Variants in ARHGEF10L observed in about 807,000 individuals in gnomAD.
The protein encoded by ARHGEF10L is Rho guanine nucleotide exchange factor 10 like.
ARHGEF10L carries 69 observed loss-of-function variants against 141.2 expected under a neutral mutation model. The observed-to-expected ratio is 0.49, with a 90% confidence interval of 0.40 to 0.60. ARHGEF10L has a LOEUF of 0.60. ARHGEF10L is among the 20% of genes least tolerant of loss of function. The pLI, the probability that ARHGEF10L is intolerant of heterozygous loss-of-function variation, is 0.00. For missense variants in ARHGEF10L, 1,482 were observed against 1,734.3 expected, an observed-to-expected ratio of 0.85 and a Z score of 2.58; for synonymous variants, 711 against 718.5, an observed-to-expected ratio of 0.99 and a Z score of 0.17.
At chr1:17,598,096 G>A (rs2080288970) in intron 4 of ARHGEF10L, among the ~76,000 whole-genome samples, 1 of 151,050 alleles carries the variant, frequency 6.6e-6, no homozygotes. Context: ...TTATAAACAA[G>A]AGAAACTTTT....
intron 26 of ARHGEF10L, among the ~76,000 whole-genome samples, chr1:17,685,439 C>T (rs1411734948): frequency 6.6e-6 from 1 of 152,174 alleles, no homozygotes; most frequent in East Asian, 1.9e-4. Flanking sequence ...GAATGCTCTT[C>T]CCCCTCCTCC....
chr1:17,545,880 A>G (rs2076897358), intron 1 of ARHGEF10L, among the ~76,000 whole-genome samples: 1 of 152,234 alleles, frequency 6.6e-6, no homozygotes, highest in African/African-American at 2.4e-5. Flanking sequence ...ACCTTTGCAC[A>G]TGCTGCTCCT....
intron 4 of ARHGEF10L, among the ~76,000 whole-genome samples, chr1:17,589,250 C>A (rs542621327): frequency 6.6e-6 from 1 of 152,278 alleles, no homozygotes; most frequent in East Asian, 1.9e-4. Flanking sequence ...CACAGTTCTT[C>A]TTTGTCTTCT....
the ARHGEF10L span, among the ~76,000 whole-genome samples, chr1:17,523,500 G>A: frequency 6.6e-6 from 1 of 152,184 alleles, no homozygotes; most frequent in Non-Finnish European, 1.5e-5. Context: ...TTTCACAGAT[G>A]AGGAAGCTGA....
chr1:17,513,473 G>C, the ARHGEF10L span, among the ~76,000 whole-genome samples: 2 of 152,104 alleles, frequency 1.3e-5, no homozygotes, highest in African/African-American at 4.8e-5. Context: ...GGGTCAGTCT[G>C]GTGTTTGGAA....
intron 1 of ARHGEF10L, among the ~76,000 whole-genome samples, chr1:17,570,172 G>C (rs1570528322): frequency 6.6e-6 from 1 of 152,362 alleles, no homozygotes; most frequent in East Asian, 1.9e-4. Context: ...CTGTGCCATG[G>C]GTGCAGATAA....
chr1:17,595,782 T>A (rs1034139129), intron 4 of ARHGEF10L, among the ~76,000 whole-genome samples: 2 of 152,154 alleles, frequency 1.3e-5, no homozygotes, highest in Non-Finnish European at 2.9e-5. Context: ...TGCCAGCCCC[T>A]GTGCCAGAGG....
chr1:17,600,710 G>A (rs138149805), intron 4 of ARHGEF10L, among the ~76,000 whole-genome samples: 2 of 152,138 alleles, frequency 1.3e-5, no homozygotes, highest in East Asian at 1.9e-4. Flanking sequence ...GCTCCAGCCC[G>A]TGGCAGTTTC....
At chr1:17,532,960 T>C in the ARHGEF10L span, among the ~76,000 whole-genome samples, 1 of 152,170 alleles carries the variant, frequency 6.6e-6, no homozygotes, top group Non-Finnish European at 1.5e-5. Context: ...GGGTATACCT[T>C]GTGCCTTAAC....
In ARHGEF10L at chr1:17,615,894, G is replaced by GC; in HGVS notation, c.727-196dup. ...AAAAAATCGGTTACAGCCTCCTGTT[G>GC]CCCCTAAAGAGGGAGATCCCCGGGC... On this transcript the variant is annotated intron_variant, in intron 8 of 28. Coordinates refer to ENST00000361221, the MANE Select transcript of ARHGEF10L (RefSeq NM_018125.4). This position sits in a 1 kb window ranked among gnomAD's most constrained non-coding sequence, Gnocchi z 4.7. 1.8e-6 allele frequency: 1 copy of GC among 563,564 alleles called. No homozygotes were observed. The highest frequency in any genetic ancestry group is 2.9e-5 in the East Asian group (1 of 34,164). The allele number at this position is 563,564 out of a possible 1,614,324, so 34.9% of individuals were successfully genotyped here.
At position 17,557,355 on chromosome 1, in the gene ARHGEF10L, ACAAAAAAAAC is replaced by A. The variant is rs1190636487; in HGVS notation, c.-44+17416_-44+17425del. 2.7e-5 allele frequency among the ~76,000 whole-genome samples: 4 copies of A among 150,178 alleles called. No individual in the cohort carries two copies. In the East Asian group the frequency reaches 8.0e-4, roughly 30 times the overall value. ...CAGACTCCATCTCAAAAAAAAAAAA[ACAAAAAAAAC>A]CAAAAAAAACAAAAAGAAAATGCGT... On this transcript the variant is annotated intron_variant, in intron 1 of 28. Transcript: ENST00000361221.
chr1:17,590,778 G>A (rs2079465523), intron 4 of ARHGEF10L, among the ~76,000 whole-genome samples: 2 of 152,164 alleles, frequency 1.3e-5, no homozygotes. Context: ...CTGAGGTCAG[G>A]AGTTCAAGAC....
At chr1:17,516,143 G>A in the ARHGEF10L span, among the ~76,000 whole-genome samples, 4 of 152,264 alleles carry the variant, frequency 2.6e-5, no homozygotes, top group Admixed American at 6.5e-5. Flanking sequence ...CCGGTTGCCC[G>A]GCAGCCTTGC....
At chr1:17,546,580 T>A (rs1487215138) in intron 1 of ARHGEF10L, among the ~76,000 whole-genome samples, 1 of 152,214 alleles carries the variant, frequency 6.6e-6, no homozygotes, top group Non-Finnish European at 1.5e-5. Flanking sequence ...CTTTCTGCAG[T>A]CCCGTGCTCC....
At chr1:17,588,330 C>A in intron 3 of ARHGEF10L, 116 bp from the exon 4 acceptor site, 2 of 1,156,606 alleles carry the variant, frequency 1.7e-6, no homozygotes, top group Non-Finnish European at 2.5e-6. Context: ...GGCACCCAGA[C>A]TGGCCAGGCC....
At chr1:17,693,464 G>A (rs1309308070) in intron 27 of ARHGEF10L, among the ~76,000 whole-genome samples, 1 of 152,164 alleles carries the variant, frequency 6.6e-6, no homozygotes, top group Middle Eastern at 3.2e-3. Context: ...TGGGGTGAGA[G>A]AGCCACACCA....
chr1:17,697,603 T>C lies in ARHGEF10L; in HGVS notation c.*223T>C. 1 of 683,178 alleles carries C rather than the reference T, an allele frequency of 1.5e-6. No homozygotes were observed. The highest frequency in any genetic ancestry group is 2.6e-6 in the Non-Finnish European group (1 of 378,520). 42.3% of individuals were successfully genotyped at this position (683,178 alleles called of 1,614,324 possible). A position where few individuals can be genotyped will look rare whatever the true frequency, so the allele number is the denominator to read the frequency against. On this transcript the variant is annotated 3_prime_UTR_variant, in exon 29 of 29. Transcript: ENST00000361221. The surrounding 1 kb of genome is among the most constrained non-coding windows in gnomAD (Gnocchi z 4.8). Reference sequence around the variant, plus strand: ...AGAGGGAGGACACATCTGGAGGAAATGGCCTTCTTTTTAAAAGCAAAAAAC... The same window carrying C: ...AGAGGGAGGACACATCTGGAGGAAACGGCCTTCTTTTTAAAAGCAAAAAAC...
chr1:17,640,093 C>T, intron 20 of ARHGEF10L, 109 bp from the exon 21 acceptor site: 1 of 1,500,314 alleles, frequency 6.7e-7, no homozygotes, highest in African/African-American at 1.4e-5. Context: ...CTGACCAGAC[C>T]TCCTTGATCT....
chr1:17,687,695 G>A lies in ARHGEF10L; in HGVS notation c.3132G>A (p.Leu1044=), dbSNP rs926391380. 13 of 1,609,046 alleles carry A rather than the reference G, an allele frequency of 8.1e-6. No homozygotes were observed. Among genetic ancestry groups the A allele is most frequent in the Non-Finnish European group, 1.1e-5 (13 of 1,177,662 alleles). ...TSIRLFHTET[L]EHLQEINIAT... is the part of the protein sequence containing the mutation. ...TCCGCCTCTTCCACACTGAGACCCT[G>A]GAGCATCTGCAAGAGATCAACATCG... The change falls in exon 27 of 29, where the codon CTG becomes CTA. Residue 1044 remains leucine, a synonymous_variant. Transcript: ENST00000361221.
Sources: allele counts gnomAD v4.1 joint callset (sites outside exome capture counted in the v4.1 genomes callset), GRCh38; gene constraint gnomAD v4.1.1; non-coding constraint Gnocchi (gnomAD v3.1); transcripts MANE v1.5; gene names NCBI Gene and HGNC (gene_info 2026-07-23, HGNC 2026-07-21).